Variants in MYO1E observed in about 807,000 individuals in gnomAD.
MYO1E encodes the protein myosin IE.
In MYO1E, 68 loss-of-function variants were observed where a neutral mutation model predicts 151.1. That is an observed-to-expected ratio of 0.45 (90% confidence interval 0.37 to 0.55). The LOEUF is 0.55. MYO1E is among the 20% of genes least tolerant of loss of function. The pLI is 0.00. For missense variants in MYO1E, 1,363 were observed against 1,389.3 expected, an observed-to-expected ratio of 0.98 and a Z score of 0.30; for synonymous variants, 601 against 501.7, an observed-to-expected ratio of 1.20 and a Z score of -2.64.
intron 7 of MYO1E, among the ~76,000 whole-genome samples, chr15:59,226,832 G>T (rs1215976462): frequency 3.3e-5 from 5 of 152,112 alleles, no homozygotes; most frequent in Non-Finnish European, 7.4e-5. Flanking sequence ...TAAAATAAAA[G>T]TAGCTGACTC....
intron 4 of MYO1E, among the ~76,000 whole-genome samples, chr15:59,239,224 AT>A (rs61185450): frequency 0.47 from 65,886 of 141,214 alleles, 15,512 homozygotes; most frequent in East Asian, 0.69. Flanking sequence ...ATATATATAT[AT>A]TTTTTTTATT....
chr15:59,203,020 A>G (rs551554203), intron 15 of MYO1E, among the ~76,000 whole-genome samples: 267 of 152,336 alleles, frequency 1.8e-3, no homozygotes, highest in Non-Finnish European at 3.3e-3. Context: ...TGTTGGGACT[A>G]CAGGCATGAG....
At chr15:59,183,115 A>G (rs1025626910) in intron 18 of MYO1E, among the ~76,000 whole-genome samples, 6 of 151,794 alleles carry the variant, frequency 4.0e-5, no homozygotes, top group African/African-American at 1.5e-4. Flanking sequence ...AACAGGCCAC[A>G]GACCAGTACT....
At chr15:59,340,120 T>G (rs376308514) in intron 1 of MYO1E, among the ~76,000 whole-genome samples, 12 of 152,122 alleles carry the variant, frequency 7.9e-5, no homozygotes, top group East Asian at 5.8e-4. Flanking sequence ...CCTCCCAAAG[T>G]GCTGGGATTA....
chr15:59,305,527 T>G lies in MYO1E; in HGVS notation c.4-33078A>C, dbSNP rs375132268. Among the ~76,000 whole-genome samples, 68 of 152,258 alleles carry G rather than the reference T, an allele frequency of 4.5e-4. 1 individual carries two copies. The South Asian group carries it at 0.013, about 30-fold the overall frequency. ...CAGTAACTTAAATGAAACTTCTACT[T>G]AGAGAAACGAAAAATACAGCCAGTA... On this transcript the variant is annotated intron_variant, in intron 1 of 27. Coordinates refer to ENST00000288235, the MANE Select transcript of MYO1E (RefSeq NM_004998.4).
At chr15:59,216,691 TACACACACACACACAC>T (rs199582846) in intron 10 of MYO1E, among the ~76,000 whole-genome samples, 2 of 56,516 alleles carry the variant, frequency 3.5e-5, no homozygotes, top group Non-Finnish European at 6.8e-5. Context: ...TATATACACA[TACACACACACACACAC>T]ACACACACAC....
chr15:59,166,773 C>T (rs1054832657), intron 22 of MYO1E, among the ~76,000 whole-genome samples: 10 of 152,116 alleles, frequency 6.6e-5, no homozygotes, highest in South Asian at 2.1e-4. Context: ...TGAGAAAGCC[C>T]GGACGCAGAT....
intron 10 of MYO1E, 68 bp from the exon 11 acceptor site, chr15:59,214,788 G>A (rs2079903209): frequency 8.0e-7 from 1 of 1,243,092 alleles, no homozygotes; most frequent in Non-Finnish European, 1.2e-6. Flanking sequence ...ATGCACTGGG[G>A]AAAGGGAAGC....
chr15:59,208,519 A>G (rs1170050577), intron 14 of MYO1E, 162 bp downstream of exon 14: 3 of 801,690 alleles, frequency 3.7e-6, no homozygotes, highest in Non-Finnish European at 6.1e-6. Context: ...AAAAAAATGC[A>G]GTAGTATATA....
intron 1 of MYO1E, among the ~76,000 whole-genome samples, chr15:59,361,113 G>A (rs1204221618): frequency 2.0e-5 from 3 of 152,088 alleles, no homozygotes; most frequent in African/African-American, 7.2e-5. Flanking sequence ...AGAGACACAT[G>A]GCCAAGCCAT....
chr15:59,227,660 T>C, intron 6 of MYO1E, 70 bp from the exon 7 acceptor site: 2 of 1,564,098 alleles, frequency 1.3e-6, no homozygotes, highest in East Asian at 2.2e-5. Flanking sequence ...AGGCTTTGAA[T>C]ACAGTATATA....
intron 17 of MYO1E, among the ~76,000 whole-genome samples, chr15:59,193,622 G>C (rs972944983): frequency 6.6e-6 from 1 of 152,066 alleles, no homozygotes; most frequent in African/African-American, 2.4e-5. Flanking sequence ...GAAACACGAC[G>C]GTCACCTCGA....
intron 4 of MYO1E, among the ~76,000 whole-genome samples, chr15:59,254,228 G>C (rs865779954): frequency 2.0e-5 from 3 of 152,014 alleles, no homozygotes; most frequent in Admixed American, 1.3e-4. Context: ...CATCTCTGTC[G>C]CCTGGCTAGA....
chr15:59,175,765 A>C (rs1292457413), intron 19 of MYO1E, among the ~76,000 whole-genome samples: 1 of 152,174 alleles, frequency 6.6e-6, no homozygotes, highest in Non-Finnish European at 1.5e-5. Context: ...CACAGAAAAT[A>C]CACTTGTGAC....
chr15:59,245,329 A>G (rs2080123258), intron 4 of MYO1E, among the ~76,000 whole-genome samples: 1 of 152,210 alleles, frequency 6.6e-6, no homozygotes, highest in African/African-American at 2.4e-5. Flanking sequence ...TACTACTGCA[A>G]AAATTACATA....
Position 59,231,707 on chromosome 15 carries a change from G to A in MYO1E, c.505C>T (p.Arg169Ter). The change falls in exon 6 of 28, where the codon CGA becomes TGA. Residue 169 changes from arginine to a stop codon, truncating the protein, a stop_gained. Coordinates refer to ENST00000288235, the MANE Select transcript of MYO1E (RefSeq NM_004998.4). LOFTEE classifies it high-confidence loss of function. ...GAAACAGGGAAGGGACTTACAAATC[G>A]GCTGGAGTTGTTGTTCCGGACGGTC... is the stretch of plus-strand genomic sequence containing the variant. ...AKTVRNNNSS[R>*]FGKYFEIQFS... 6.2e-7 allele frequency: 1 copy of A among 1,613,930 alleles called. No homozygotes were observed. Among genetic ancestry groups the A allele is most frequent in the Non-Finnish European group, 8.5e-7 (1 of 1,179,830 alleles).
At chr15:59,324,662 A>AACC (rs779071741) in intron 1 of MYO1E, among the ~76,000 whole-genome samples, 1 of 4,812 alleles carries the variant, frequency 2.1e-4, no homozygotes, top group South Asian at 0.011. Flanking sequence ...CCCCATCCCA[A>AACC]GCCCCCCCCC....
intron 22 of MYO1E, among the ~76,000 whole-genome samples, chr15:59,164,762 G>A (rs983067382): frequency 5.9e-5 from 9 of 152,184 alleles, no homozygotes; most frequent in African/African-American, 2.2e-4. Flanking sequence ...AGGCTTGTCA[G>A]GAACCTTCTC....
In MYO1E at chr15:59,341,483, CCT is replaced by C. The variant is rs1448210815; in HGVS notation, c.3+31013_3+31014del. 10 of 152,210 alleles carry C rather than the reference CCT, an allele frequency of 6.6e-5. No individual in the cohort carries two copies. The South Asian group carries it at 2.1e-3, about 32-fold the overall frequency. 9.4% of individuals were successfully genotyped at this position (152,210 alleles called of 1,614,324 possible). ...TTCTTTGTACCCATTAACCATAACC[CCT>C]GTCTCCCCAGTTCTCCTTCCCAGCC... On this transcript the variant is annotated intron_variant, in intron 1 of 27. Transcript: ENST00000288235.
Sources: allele counts gnomAD v4.1 joint callset (sites outside exome capture counted in the v4.1 genomes callset), GRCh38; gene constraint gnomAD v4.1.1; transcripts MANE v1.5; gene names NCBI Gene and HGNC (gene_info 2026-07-23, HGNC 2026-07-21).